Variants in FAM168A observed in about 807,000 individuals in gnomAD.
FAM168A encodes the protein family with sequence similarity 168 member A, also known as protein FAM168A.
FAM168A carries 3 observed loss-of-function variants against 28.5 expected under a neutral mutation model. The observed-to-expected ratio is 0.11, with a 90% CI of 0.05 to 0.27. FAM168A has a LOEUF of 0.27. Among genes scored for constraint, FAM168A ranks in the 10% least tolerant of loss-of-function variants. The pLI, the probability that FAM168A is intolerant of heterozygous loss-of-function variation, is 1.00. For synonymous variants in FAM168A, 122 were observed against 124.2 expected, an observed-to-expected ratio of 0.98 and a Z score of 0.12; for missense variants, 222 against 311.5, an observed-to-expected ratio of 0.71 and a Z score of 2.16.
intron 1 of FAM168A, among the ~76,000 whole-genome samples, chr11:73,539,136 T>C (rs1943620817): frequency 6.6e-6 from 1 of 152,218 alleles, no homozygotes. Flanking sequence ...TTCCCCTATC[T>C]GGGTCTTCAT....
intron 1 of FAM168A, among the ~76,000 whole-genome samples, chr11:73,522,259 T>C (rs1431180188): frequency 1.3e-5 from 2 of 151,782 alleles, no homozygotes; most frequent in Non-Finnish European, 2.9e-5. Flanking sequence ...AGCAATTTTA[T>C]GTTAATTTAT....
intron 1 of FAM168A, among the ~76,000 whole-genome samples, chr11:73,481,618 T>C (rs576827807): frequency 6.6e-6 from 1 of 152,204 alleles, no homozygotes; most frequent in Non-Finnish European, 1.5e-5. Flanking sequence ...AATGCAAATA[T>C]ATAAGCTAAA....
intron 1 of FAM168A, among the ~76,000 whole-genome samples, chr11:73,552,408 T>C (rs1236029833): frequency 3.9e-5 from 6 of 152,238 alleles, no homozygotes; most frequent in African/African-American, 1.4e-4. Context: ...CACTTTACAG[T>C]AATTATGCAC....
intron 3 of FAM168A, among the ~76,000 whole-genome samples, chr11:73,424,210 G>A (rs920812145): frequency 2.0e-5 from 3 of 152,172 alleles, no homozygotes; most frequent in African/African-American, 7.2e-5. Flanking sequence ...TCTCCTGACA[G>A]ATGCGCGACA....
chr11:73,549,908 T>C (rs1943805736), intron 1 of FAM168A, among the ~76,000 whole-genome samples: 1 of 152,244 alleles, frequency 6.6e-6, no homozygotes, highest in Admixed American at 6.5e-5. Context: ...AGAGGGCTTA[T>C]TTCTTGCTTC....
At chr11:73,498,292 C>T (rs572317448) in intron 1 of FAM168A, among the ~76,000 whole-genome samples, 4 of 152,286 alleles carry the variant, frequency 2.6e-5, no homozygotes, top group African/African-American at 7.2e-5. Flanking sequence ...TACAGCAGCC[C>T]ACTCAAGAGC....
chr11:73,522,849 C>T (rs1943401313), intron 1 of FAM168A, among the ~76,000 whole-genome samples: 1 of 151,814 alleles, frequency 6.6e-6, no homozygotes, highest in Non-Finnish European at 1.5e-5. Context: ...CCAGTCTCTA[C>T]TAAAAATACA....
chr11:73,436,440 CAT>C (rs1157281454), intron 2 of FAM168A, among the ~76,000 whole-genome samples: 1 of 152,004 alleles, frequency 6.6e-6, no homozygotes, highest in East Asian at 1.9e-4. Flanking sequence ...GCAATGAAGA[CAT>C]TTTAGGTCTG....
In FAM168A at chr11:73,401,917, T is replaced by C. The variant is rs1373700209; in HGVS notation, c.*4846A>G. On this transcript the variant is annotated 3_prime_UTR_variant, in exon 8 of 8. Transcript: ENST00000356467. Reference sequence around the variant, plus strand: ...TTGAAGGCTGGGTCCTGGAACCATATAATGCCTAATTTCAGAAACGAGGAG... The same window carrying C: ...TTGAAGGCTGGGTCCTGGAACCATACAATGCCTAATTTCAGAAACGAGGAG... The C allele has an allele frequency of 2.0e-5, 3 of 152,212 alleles. No individual in the cohort carries two copies. Among genetic ancestry groups the C allele is most frequent in the Non-Finnish European group, 4.4e-5 (3 of 68,044 alleles). 9.4% of individuals were successfully genotyped at this position (152,212 alleles called of 1,614,324 possible).
At chr11:73,424,500 C>G (rs180800594) in intron 3 of FAM168A, among the ~76,000 whole-genome samples, 10 of 152,198 alleles carry the variant, frequency 6.6e-5, no homozygotes, top group South Asian at 4.2e-4. Flanking sequence ...CGCTGCCCCC[C>G]CCACCTCTCA....
At chr11:73,589,918 A>G (rs1016756793) in intron 1 of FAM168A, among the ~76,000 whole-genome samples, 9 of 151,886 alleles carry the variant, frequency 5.9e-5, no homozygotes, top group African/African-American at 2.2e-4. Flanking sequence ...CAAGAGTGAA[A>G]CTCCGTCTAA....
intron 2 of FAM168A, among the ~76,000 whole-genome samples, chr11:73,436,053 T>C (rs905145408): frequency 5.3e-5 from 8 of 152,326 alleles, no homozygotes; most frequent in Middle Eastern, 3.4e-3. Flanking sequence ...CCTTTTGTAT[T>C]TGTATTTTTT....
chr11:73,415,799 C>T (rs182809177), intron 4 of FAM168A, among the ~76,000 whole-genome samples: 183 of 152,340 alleles, frequency 1.2e-3, no homozygotes, highest in African/African-American at 4.1e-3. Context: ...AGACTCAGTT[C>T]ACTCACTGGA....
At chr11:73,498,483 G>C (rs1164987970) in intron 1 of FAM168A, among the ~76,000 whole-genome samples, 7 of 152,178 alleles carry the variant, frequency 4.6e-5, no homozygotes, top group African/African-American at 1.7e-4. Context: ...GCTGGAATCT[G>C]CTTAAGCCTA....
chr11:73,492,794 C>CA (rs750571262), intron 1 of FAM168A, among the ~76,000 whole-genome samples: 8 of 152,166 alleles, frequency 5.3e-5, no homozygotes, highest in Non-Finnish European at 1.2e-4. Flanking sequence ...CTCAAATACT[C>CA]AGAGTTCAAA....
intron 6 of FAM168A, among the ~76,000 whole-genome samples, chr11:73,409,252 T>C (rs1866563867): frequency 6.6e-6 from 1 of 152,130 alleles, no homozygotes; most frequent in Non-Finnish European, 1.5e-5. Flanking sequence ...CCTTCCCTCT[T>C]TCACTTCTCT....
chr11:73,480,699 AAAACAAAC>A lies in FAM168A; in HGVS notation c.-18-12215_-18-12208del, dbSNP rs147757702. Among the ~76,000 whole-genome samples, 74 of 151,752 alleles carry A rather than the reference AAAACAAAC, an allele frequency of 4.9e-4. 2 individuals are homozygous for A. Among genetic ancestry groups the A allele is most frequent in the Admixed American group, 2.0e-4 (3 of 15,188 alleles). ...CAAGAGTTAACAATGACCATTTTACAAAACAAACAAACAAACAAACAAACAACAACAAC... is the reference window on the plus strand; with the variant it reads ...CAAGAGTTAACAATGACCATTTTACAAAACAAACAAACAAACAACAACAAC... On this transcript the variant is annotated intron_variant, in intron 1 of 7. Transcript: ENST00000356467.
chr11:73,430,834 A>C, intron 2 of FAM168A, 64 bp from the exon 3 acceptor site: 2 of 1,309,580 alleles, frequency 1.5e-6, no homozygotes, highest in Non-Finnish European at 1.1e-6. Flanking sequence ...ACAAAACAAA[A>C]CAAAAAAACA....
At chr11:73,503,338 G>A (rs577384842) in intron 1 of FAM168A, among the ~76,000 whole-genome samples, 2 of 152,198 alleles carry the variant, frequency 1.3e-5, no homozygotes, top group East Asian at 3.9e-4. Context: ...AAAATCACAA[G>A]CATTCCTTTA....
Sources: allele counts gnomAD v4.1 joint callset (sites outside exome capture counted in the v4.1 genomes callset), GRCh38; gene constraint gnomAD v4.1.1; transcripts MANE v1.5; gene names NCBI Gene and HGNC (gene_info 2026-07-23, HGNC 2026-07-21).